Variants in ANGPTL5 observed in about 807,000 individuals in gnomAD.
ANGPTL5 encodes the protein angiopoietin-related protein 5.
In ANGPTL5, 34 loss-of-function variants were observed where a neutral mutation model predicts 39.4. The ratio of observed to expected loss-of-function variants is 0.86; its 90% CI spans 0.66 to 1.15. The LOEUF (loss-of-function observed/expected upper bound fraction) is 1.15. Among genes scored for constraint, ANGPTL5 ranks in the 50% most tolerant of loss-of-function variants. The pLI is 0.00. For missense variants in ANGPTL5, 467 were observed against 457.5 expected, an observed-to-expected ratio of 1.02 and a Z score of -0.19; for synonymous variants, 146 against 152.1, an observed-to-expected ratio of 0.96 and a Z score of 0.29.
At chr11:101,903,140 C>A (rs1421347798) in intron 5 of ANGPTL5, among the ~76,000 whole-genome samples, 1 of 152,132 alleles carries the variant, frequency 6.6e-6, no homozygotes, top group Non-Finnish European at 1.5e-5. Context: ...TTAACCACTA[C>A]AGACACATAT....
intron 1 of ANGPTL5, among the ~76,000 whole-genome samples, chr11:101,915,787 A>G (rs1264397182): frequency 6.6e-6 from 1 of 152,250 alleles, no homozygotes; most frequent in African/African-American, 2.4e-5. Flanking sequence ...TACACAAATA[A>G]GTAAAATGTT....
intron 7 of ANGPTL5, 134 bp from the exon 8 acceptor site, chr11:101,895,198 A>T (rs1939771102): frequency 1.4e-6 from 1 of 721,914 alleles, no homozygotes; most frequent in Non-Finnish European, 2.2e-6. Flanking sequence ...GCACTGGATG[A>T]CCTAGCTCAA....
intron 5 of ANGPTL5, 36 bp downstream of exon 5, chr11:101,904,778 A>G: frequency 6.4e-7 from 1 of 1,558,784 alleles, no homozygotes; most frequent in Non-Finnish European, 8.8e-7. Flanking sequence ...GCAATAAAAG[A>G]CAAACATGAA....
chr11:101,893,723 C>G (rs1015597475), intron 8 of ANGPTL5, among the ~76,000 whole-genome samples: 1 of 152,102 alleles, frequency 6.6e-6, no homozygotes, highest in Non-Finnish European at 1.5e-5. Context: ...TATATTGTAA[C>G]TTTTTAAACT....
At chr11:101,910,424 A>ATATATATATATATAT (rs1555048792) in intron 1 of ANGPTL5, among the ~76,000 whole-genome samples, 2 of 127,218 alleles carry the variant, frequency 1.6e-5, no homozygotes, top group Admixed American at 8.1e-5. Context: ...AAAAAAAAAA[A>ATATATATATATATAT]ATATATATAT....
At chr11:101,895,524 A>T (rs1470197) in intron 7 of ANGPTL5, among the ~76,000 whole-genome samples, 2 of 152,038 alleles carry the variant, frequency 1.3e-5, no homozygotes, top group African/African-American at 4.8e-5. Flanking sequence ...CCTGAAGAAA[A>T]ATTTCCTAAA....
rs769576716 is a variant in ANGPTL5 at position 101,891,405 on chromosome 11, A to G, written c.1041T>C (p.His347=). 1 of 1,614,044 alleles carries G rather than the reference A, an allele frequency of 6.2e-7. No homozygotes were observed. ...ECGLANLNGI[H]HFSGKLLATG... ...TTGCAAGCAATTTTCCAGAGAAGTG[A>G]TGAATGCCATTTAGATTTGCTAGAC... is the stretch of plus-strand genomic sequence containing the variant. The change falls in exon 9 of 9, where the codon CAT becomes CAC. Residue 347 remains histidine, a synonymous_variant. Coordinates refer to ENST00000334289, the MANE Select transcript of ANGPTL5 (RefSeq NM_178127.5).
chr11:101,911,558 C>T (rs1004886956), intron 1 of ANGPTL5, among the ~76,000 whole-genome samples: 1 of 152,084 alleles, frequency 6.6e-6, no homozygotes, highest in Non-Finnish European at 1.5e-5. Context: ...TCATGAGATC[C>T]GGTCATTTTA....
At chr11:101,915,226 C>A in intron 1 of ANGPTL5, 1 of 1,601,878 alleles carries the variant, frequency 6.2e-7, no homozygotes. Flanking sequence ...GAGGAGGAAG[C>A]CGGAGCTGCC....
At chr11:101,896,435 G>T (rs893742953) in intron 7 of ANGPTL5, among the ~76,000 whole-genome samples, 4 of 151,914 alleles carry the variant, frequency 2.6e-5, no homozygotes, top group Non-Finnish European at 5.9e-5. Context: ...ATATACATGT[G>T]GCATGGTGAT....
intron 7 of ANGPTL5, 31 bp from the exon 8 acceptor site, chr11:101,895,095 T>A: frequency 1.4e-6 from 2 of 1,425,184 alleles, no homozygotes; most frequent in Non-Finnish European, 1.9e-6. Flanking sequence ...TTTAATATAT[T>A]TTAATACAAA....
chr11:101,905,116 G>T (rs925642690), intron 4 of ANGPTL5, among the ~76,000 whole-genome samples: 1 of 152,110 alleles, frequency 6.6e-6, no homozygotes, highest in Non-Finnish European at 1.5e-5. Context: ...TATCTGCCCC[G>T]ATTTCTGCAT....
intron 1 of ANGPTL5, among the ~76,000 whole-genome samples, chr11:101,908,516 C>T (rs950549940): frequency 6.6e-6 from 1 of 152,112 alleles, no homozygotes; most frequent in Non-Finnish European, 1.5e-5. Context: ...CAGTGGCTCA[C>T]GCCTGTAATC....
intron 5 of ANGPTL5, among the ~76,000 whole-genome samples, chr11:101,903,303 C>T (rs1310650736): frequency 4.7e-4 from 71 of 152,046 alleles, no homozygotes; most frequent in Non-Finnish European, 1.6e-4. Context: ...ATTATAGCAC[C>T]CCATAATCAC....
chr11:101,905,309 T>C (rs781500273), intron 4 of ANGPTL5, among the ~76,000 whole-genome samples: 12 of 152,198 alleles, frequency 7.9e-5, no homozygotes, highest in Non-Finnish European at 1.5e-4. Context: ...CCTATTCCTA[T>C]AGTCAGTTTT....
chr11:101,891,334 T>G lies in ANGPTL5; in HGVS notation c.1112A>C (p.Lys371Thr), dbSNP rs1392686894. The G allele has an allele frequency of 6.2e-7, 1 of 1,614,088 alleles. No homozygotes were observed. The highest frequency in any genetic ancestry group is 1.3e-5 in the African/African-American group (1 of 75,060). ...GTWTKNNSPV[K>T]IKSVSMKIRR... The stretch of plus-strand genomic sequence containing the variant: ...AATTTTCATTGAAACAGATTTAATC[T>G]TGACAGGTGAGTTGTTTTTGGTCCA... Residue 371 changes from lysine (K) to threonine (T), a missense_variant, in exon 9 of 9, where the codon AAG becomes ACG. Coordinates refer to ENST00000334289, the MANE Select transcript of ANGPTL5 (RefSeq NM_178127.5).
chr11:101,897,143 T>G (rs898684954), intron 7 of ANGPTL5, among the ~76,000 whole-genome samples: 1 of 152,236 alleles, frequency 6.6e-6, no homozygotes, highest in Admixed American at 6.5e-5. Flanking sequence ...GTTGGCCGCT[T>G]AAATGTCGTC....
chr11:101,897,065 G>GT (rs1653906173), intron 7 of ANGPTL5, among the ~76,000 whole-genome samples: 1 of 152,152 alleles, frequency 6.6e-6, no homozygotes, highest in Admixed American at 6.6e-5. Context: ...GTGTGAGATG[G>GT]TATCTCCTTG....
At chr11:101,892,619 G>A (rs1413921821) in intron 8 of ANGPTL5, among the ~76,000 whole-genome samples, 1 of 152,138 alleles carries the variant, frequency 6.6e-6, no homozygotes, top group Non-Finnish European at 1.5e-5. Context: ...TAACTCAGTG[G>A]CAGGAGCAGG....
Sources: allele counts gnomAD v4.1 joint callset (sites outside exome capture counted in the v4.1 genomes callset), GRCh38; gene constraint gnomAD v4.1.1; transcripts MANE v1.5; gene names NCBI Gene and HGNC (gene_info 2026-07-23, HGNC 2026-07-21).